DCUN1D4: variants seen among roughly 807,000 people sequenced by gnomAD.
DCUN1D4 encodes the protein defective in cullin neddylation 1 domain containing 4.
DCUN1D4 carries 22 observed loss-of-function variants against 47.9 expected under a neutral mutation model. That is an observed-to-expected ratio of 0.46 (90% CI 0.33 to 0.66). The LOEUF (loss-of-function observed/expected upper bound fraction) is 0.66, where lower values mean the gene tolerates loss of function less well. Ranked by LOEUF, DCUN1D4 falls within the 30% of genes least tolerant of loss-of-function variation. The pLI is 0.02. For missense variants in DCUN1D4, 301 were observed against 340.8 expected, an observed-to-expected ratio of 0.88 and a Z score of 0.92; for synonymous variants, 121 against 112.2, an observed-to-expected ratio of 1.08 and a Z score of -0.50.
chr4:51,906,539 A>C (rs573882289), intron 8 of DCUN1D4, among the ~76,000 whole-genome samples: 1 of 152,070 alleles, frequency 6.6e-6, no homozygotes, highest in African/African-American at 2.4e-5. Context: ...ACCCACCCCC[A>C]ACCTCAAACA....
rs1184950150 is a variant in DCUN1D4, at chr4:51,867,877, C to T, written c.136+4168C>T. Among the ~76,000 whole-genome samples the T allele has an allele frequency of 8.7e-4, 133 of 152,360 alleles. 2 individuals carry two copies. The highest frequency in any genetic ancestry group is 2.1e-4 in the Non-Finnish European group (14 of 68,034). On this transcript the variant is annotated intron_variant, in intron 3 of 10. Coordinates refer to ENST00000334635, the MANE Select transcript of DCUN1D4 (RefSeq NM_001040402.3). ...CTGCTTCCTGATGCCATCAACTTGCCATCCATGGTGCCCACGGCGCTCAGG... is the reference window on the plus strand; with the variant it reads ...CTGCTTCCTGATGCCATCAACTTGCTATCCATGGTGCCCACGGCGCTCAGG...
chr4:51,907,156 G>A (rs771970021), intron 8 of DCUN1D4, among the ~76,000 whole-genome samples: 47 of 152,322 alleles, frequency 3.1e-4, no homozygotes, highest in Non-Finnish European at 5.6e-4. Flanking sequence ...AGTGCTTACA[G>A]TAGTAGAATC....
intron 1 of DCUN1D4, among the ~76,000 whole-genome samples, chr4:51,862,594 G>A (rs1725242543): frequency 1.3e-5 from 2 of 152,168 alleles, no homozygotes; most frequent in Non-Finnish European, 2.9e-5. Context: ...TAATAGGAAA[G>A]AAGGAACTAA....
At chr4:51,877,151 G>A (rs1241525265) in intron 4 of DCUN1D4, among the ~76,000 whole-genome samples, 1 of 152,198 alleles carries the variant, frequency 6.6e-6, no homozygotes, top group African/African-American at 2.4e-5. Flanking sequence ...GAAAAAGGCA[G>A]AAGCTAGTTT....
chr4:51,886,887 A>G (rs1729565822), intron 6 of DCUN1D4: 1 of 464,308 alleles, frequency 2.2e-6, no homozygotes, highest in African/African-American at 2.0e-5. Context: ...AGTAAGCCAG[A>G]TGCTTACAAA....
intron 3 of DCUN1D4, among the ~76,000 whole-genome samples, chr4:51,864,587 C>G (rs1409302353): frequency 6.6e-6 from 1 of 152,124 alleles, no homozygotes; most frequent in Non-Finnish European, 1.5e-5. Context: ...GATCCTGGGT[C>G]TGGTGAGGGT....
At chr4:51,886,031 G>A (rs1469404898) in intron 5 of DCUN1D4, among the ~76,000 whole-genome samples, 3 of 152,202 alleles carry the variant, frequency 2.0e-5, no homozygotes, top group African/African-American at 7.2e-5. Context: ...AAGTGAAGGG[G>A]AGATAAATTA....
At chr4:51,854,105 G>A (rs1261839635) in intron 1 of DCUN1D4, among the ~76,000 whole-genome samples, 1 of 152,170 alleles carries the variant, frequency 6.6e-6, no homozygotes, top group Non-Finnish European at 1.5e-5. Flanking sequence ...TTACAGTATA[G>A]AAAACATTTC....
chr4:51,913,026 C>T (rs1733936162), intron 9 of DCUN1D4, among the ~76,000 whole-genome samples: 2 of 152,068 alleles, frequency 1.3e-5, no homozygotes. Context: ...TTAGAATTTT[C>T]ACTTCTGGGG....
chr4:51,882,620 A>G (rs1349810853), intron 5 of DCUN1D4, among the ~76,000 whole-genome samples: 3 of 152,060 alleles, frequency 2.0e-5, no homozygotes, highest in African/African-American at 7.2e-5. Flanking sequence ...ACAAAAAATT[A>G]GTCGGGCGTG....
At chr4:51,892,794 CG>C (rs1730633325) in intron 7 of DCUN1D4, among the ~76,000 whole-genome samples, 1 of 152,102 alleles carries the variant, frequency 6.6e-6, no homozygotes, top group Non-Finnish European at 1.5e-5. Flanking sequence ...ATAGCATTGA[CG>C]ATGAAGTGCT....
chr4:51,898,909 A>G (rs1315548707), intron 7 of DCUN1D4, among the ~76,000 whole-genome samples: 1 of 152,238 alleles, frequency 6.6e-6, no homozygotes, highest in Non-Finnish European at 1.5e-5. Context: ...CAGCTAAGAA[A>G]GTTAACATTG....
At chr4:51,858,106 G>A (rs1438077130) in intron 1 of DCUN1D4, among the ~76,000 whole-genome samples, 2 of 152,174 alleles carry the variant, frequency 1.3e-5, no homozygotes, top group Non-Finnish European at 2.9e-5. Flanking sequence ...GCAAGGTTAT[G>A]TAAGGAGGTG....
intron 6 of DCUN1D4, among the ~76,000 whole-genome samples, chr4:51,888,467 A>G (rs965954229): frequency 5.1e-4 from 78 of 152,172 alleles, no homozygotes; most frequent in Non-Finnish European, 2.9e-5. Context: ...CTGGCCTGGC[A>G]TGATGGCTCA....
intron 1 of DCUN1D4, 25 bp downstream of exon 1, chr4:51,843,292 G>A (rs1406485314): frequency 1.3e-6 from 2 of 1,515,030 alleles, no homozygotes; most frequent in Admixed American, 2.1e-5. Context: ...GCCAGCCAGC[G>A]GGCCGGGGCC....
chr4:51,887,497 T>C (rs1375378810), intron 6 of DCUN1D4, among the ~76,000 whole-genome samples: 7 of 152,222 alleles, frequency 4.6e-5, no homozygotes, highest in Admixed American at 6.5e-5. Flanking sequence ...TAGCATGTTA[T>C]TGTTGAATAT....
At position 51,880,819 on chromosome 4, in the gene DCUN1D4, C is replaced by T. The variant is rs1185019729; in HGVS notation, c.343+2965C>T. On this transcript the variant is annotated intron_variant, in intron 5 of 10. Coordinates refer to ENST00000334635, the MANE Select transcript of DCUN1D4 (RefSeq NM_001040402.3). ...AGACCTTGATCTGAACCTGGAATCCCATTTTGTTTCATTAGAATGAAGACA... is the reference window on the plus strand; with the variant it reads ...AGACCTTGATCTGAACCTGGAATCCTATTTTGTTTCATTAGAATGAAGACA... Among the ~76,000 whole-genome samples the T allele has an allele frequency of 4.6e-5, 7 of 152,170 alleles. No individual in the cohort carries two copies. The East Asian group carries it at 1.4e-3, about 29-fold the overall frequency.
At chr4:51,864,152 C>T (rs1411865277) in intron 3 of DCUN1D4, among the ~76,000 whole-genome samples, 1 of 152,198 alleles carries the variant, frequency 6.6e-6, no homozygotes, top group Non-Finnish European at 1.5e-5. Flanking sequence ...TCCTCTAACC[C>T]TGTGGTTCTC....
chr4:51,885,721 G>A (rs1282105454), intron 5 of DCUN1D4, among the ~76,000 whole-genome samples: 4 of 152,108 alleles, frequency 2.6e-5, no homozygotes, highest in Non-Finnish European at 5.9e-5. Context: ...AGAGGTTTAA[G>A]GATGAATCTT....
Sources: gnomAD v4.1 joint callset for allele counts (sites outside exome capture counted in the v4.1 genomes callset) on GRCh38, gnomAD v4.1.1 for gene constraint, MANE v1.5 for transcripts, NCBI Gene and HGNC (gene_info 2026-07-23, HGNC 2026-07-21) for gene names.